Variants in PTCHD4 observed in about 807,000 individuals in gnomAD.
PTCHD4 encodes the protein patched domain-containing protein 4.
Under a neutral mutation model 58.1 loss-of-function variants are expected in PTCHD4, and 33 were observed. The observed-to-expected ratio is 0.57, with a 90% CI of 0.43 to 0.76. The LOEUF (loss-of-function observed/expected upper bound fraction) is 0.76, where lower values mean the gene tolerates loss of function less well. PTCHD4 is among the 30% of genes least tolerant of loss of function. PTCHD4 has a pLI of 0.00. For missense variants in PTCHD4, 1,058 were observed against 1,027.1 expected, an observed-to-expected ratio of 1.03 and a Z score of -0.41; for synonymous variants, 478 against 409.6, an observed-to-expected ratio of 1.17 and a Z score of -2.02.
intron 4 of PTCHD4, among the ~76,000 whole-genome samples, chr6:47,972,160 G>A (rs1356335704): frequency 6.6e-6 from 1 of 152,126 alleles, no homozygotes; most frequent in African/African-American, 2.4e-5. Flanking sequence ...GTAAAAGTGG[G>A]CTAAATCTTC....
chr6:48,070,439 T>A (rs1764956455), intron 1 of PTCHD4, among the ~76,000 whole-genome samples: 1 of 152,146 alleles, frequency 6.6e-6, no homozygotes, highest in African/African-American at 2.4e-5. Flanking sequence ...AAGAGACCAA[T>A]GACACAGCAG....
chr6:48,093,214 G>C (rs1256587136), intron 1 of PTCHD4, among the ~76,000 whole-genome samples: 1 of 152,108 alleles, frequency 6.6e-6, no homozygotes, highest in Non-Finnish European at 1.5e-5. Context: ...GAGACTTGAA[G>C]ATAAAAGGAA....
intron 4 of PTCHD4, among the ~76,000 whole-genome samples, chr6:47,965,003 C>A (rs139752845): frequency 6.6e-6 from 1 of 151,970 alleles, no homozygotes; most frequent in Non-Finnish European, 1.5e-5. Flanking sequence ...ACTGCCATTA[C>A]GTATTTGTAT....
intron 4 of PTCHD4, among the ~76,000 whole-genome samples, chr6:47,962,696 G>A (rs752627953): frequency 6.6e-6 from 1 of 152,140 alleles, no homozygotes; most frequent in Non-Finnish European, 1.5e-5. Context: ...ATGCTGAACT[G>A]TGAGTCAATT....
At chr6:47,987,274 G>A (rs1422683067) in intron 4 of PTCHD4, among the ~76,000 whole-genome samples, 6 of 131,678 alleles carry the variant, frequency 4.6e-5, no homozygotes, top group Admixed American at 3.1e-4. Flanking sequence ...GGGGGAAGGG[G>A]GAGGGATAAC....
rs79554653 is a variant in PTCHD4 at position 48,065,230 on chromosome 6, G to C, written c.417+3000C>G. On this transcript the variant is annotated intron_variant, in intron 3 of 4. Transcript: ENST00000339488. ...TCAGCCTGTCCCTAAGCACTGACCT[G>C]CTTCTTTAATGTCAAGTAATTGCCA... is the stretch of plus-strand genomic sequence containing the variant. 1.2e-3 allele frequency among the ~76,000 whole-genome samples: 177 copies of C among 152,204 alleles called. 1 individual carries two copies. Among genetic ancestry groups the C allele is most frequent in the African/African-American group, 4.0e-3 (165 of 41,544 alleles).
intron 4 of PTCHD4, among the ~76,000 whole-genome samples, chr6:47,932,053 C>T (rs1264915281): frequency 6.6e-6 from 1 of 151,532 alleles, no homozygotes; most frequent in African/African-American, 2.4e-5. Context: ...CTCCTACAAC[C>T]TCTGACATTA....
chr6:48,098,731 A>G (rs1182361220), intron 1 of PTCHD4, among the ~76,000 whole-genome samples: 1 of 152,180 alleles, frequency 6.6e-6, no homozygotes, highest in Non-Finnish European at 1.5e-5. Flanking sequence ...GCAGAAAGAG[A>G]CTAATCTTAA....
intron 4 of PTCHD4, among the ~76,000 whole-genome samples, chr6:47,912,457 G>C (rs574935987): frequency 7.2e-4 from 110 of 152,180 alleles, no homozygotes; most frequent in South Asian, 2.7e-3. Context: ...TGGTATCCTT[G>C]ACCATTGCGT....
intron 4 of PTCHD4, among the ~76,000 whole-genome samples, chr6:47,903,663 G>A (rs562828607): frequency 1.3e-5 from 2 of 152,268 alleles, no homozygotes; most frequent in African/African-American, 4.8e-5. Flanking sequence ...TGTATACTAT[G>A]TGTCAGGCAC....
intron 4 of PTCHD4, among the ~76,000 whole-genome samples, chr6:48,001,111 C>CAA (rs762492694): frequency 6.6e-6 from 1 of 151,478 alleles, no homozygotes; most frequent in Admixed American, 6.6e-5. Context: ...AAAGAGGATA[C>CAA]AAAAAAAATG....
At chr6:47,887,972 A>G (rs1415851277) in intron 4 of PTCHD4, among the ~76,000 whole-genome samples, 2 of 152,210 alleles carry the variant, frequency 1.3e-5, no homozygotes, top group Non-Finnish European at 2.9e-5. Flanking sequence ...ATGTTGTTCA[A>G]TGAGGGAGGG....
intron 3 of PTCHD4, among the ~76,000 whole-genome samples, chr6:48,045,433 G>C (rs987566572): frequency 6.6e-6 from 1 of 151,750 alleles, no homozygotes; most frequent in Non-Finnish European, 1.5e-5. Context: ...ACCCACAAAA[G>C]ATGGCTCATT....
intron 3 of PTCHD4, among the ~76,000 whole-genome samples, chr6:48,049,028 C>T (rs187446355): frequency 3.9e-5 from 6 of 152,022 alleles, no homozygotes; most frequent in South Asian, 2.1e-4. Context: ...GGTACAAAGA[C>T]GATTTTCTTG....
Position 47,875,248 on chromosome 6 carries a change from A to G in PTCHD4, c.*3055T>C, listed in dbSNP as rs1412210916. Among the ~76,000 whole-genome samples the G allele has an allele frequency of 2.0e-5, 3 of 151,892 alleles. No individual in the cohort carries two copies. Among genetic ancestry groups the G allele is most frequent in the African/African-American group, 7.2e-5 (3 of 41,410 alleles). On this transcript the variant is annotated 3_prime_UTR_variant, in exon 5 of 5. Coordinates refer to ENST00000339488, the MANE Select transcript of PTCHD4 (RefSeq NM_001384253.1). ...CTAATTTGAATGGCATTAGTACTTC[A>G]TAAATGAACAAAACAATGAGTGCAA... is the stretch of plus-strand genomic sequence containing the variant.
intron 3 of PTCHD4, among the ~76,000 whole-genome samples, chr6:48,062,130 A>C (rs945844698): frequency 3.9e-5 from 6 of 152,364 alleles, no homozygotes; most frequent in African/African-American, 1.2e-4. Flanking sequence ...CTGCATACAC[A>C]ATGTATTTTG....
chr6:47,903,247 G>A (rs554923837), intron 4 of PTCHD4, among the ~76,000 whole-genome samples: 78 of 152,168 alleles, frequency 5.1e-4, no homozygotes, highest in South Asian at 8.3e-4. Flanking sequence ...TAGTATCTTC[G>A]TTCAGGTACA....
chr6:48,050,335 A>G (rs1477535265), intron 3 of PTCHD4, among the ~76,000 whole-genome samples: 1 of 151,992 alleles, frequency 6.6e-6, no homozygotes, highest in African/African-American at 2.4e-5. Flanking sequence ...GAATTTGATG[A>G]TACAGTAAAT....
intron 1 of PTCHD4, among the ~76,000 whole-genome samples, chr6:48,085,712 C>G (rs764717115): frequency 6.6e-6 from 1 of 152,180 alleles, no homozygotes; most frequent in Non-Finnish European, 1.5e-5. Flanking sequence ...GATAAGTGAG[C>G]TGCTGAGAAA....
Sources: allele counts gnomAD v4.1 joint callset (sites outside exome capture counted in the v4.1 genomes callset), GRCh38; gene constraint gnomAD v4.1.1; transcripts MANE v1.5; gene names NCBI Gene and HGNC (gene_info 2026-07-23, HGNC 2026-07-21).